The following GPR158 variants were observed in gnomAD, a reference collection of about 807,000 sequenced individuals.
GPR158 encodes G protein-coupled receptor 158.
GPR158 carries 30 observed loss-of-function variants against 78.2 expected under a neutral mutation model. The observed-to-expected ratio is 0.38, with a 90% CI of 0.29 to 0.52. GPR158 has a LOEUF of 0.52. Among genes scored for constraint, GPR158 ranks in the 20% least tolerant of loss-of-function variants. The pLI, the probability that GPR158 is intolerant of heterozygous loss-of-function variation, is 0.83. For missense variants in GPR158, 1,463 were observed against 1,523.5 expected (o/e 0.96, Z 0.66); for synonymous variants, 581 against 591.1 (o/e 0.98, Z 0.25).
intron 1 of GPR158, among the ~76,000 whole-genome samples, chr10:25,186,795 C>T (rs1852693843): frequency 1.3e-5 from 2 of 152,062 alleles, no homozygotes; most frequent in Non-Finnish European, 2.9e-5. Flanking sequence ...ACCAGAGGTA[C>T]AAGGAGGAGC....
intron 9 of GPR158, among the ~76,000 whole-genome samples, chr10:25,594,977 G>A (rs2027141): frequency 0.072 from 10,994 of 152,036 alleles, 981 homozygotes; most frequent in African/African-American, 0.21. Context: ...TTTTTTGTGT[G>A]TGATATAATA....
At chr10:25,338,371 A>G (rs844032) in intron 2 of GPR158, among the ~76,000 whole-genome samples, 75,668 of 142,856 alleles carry the variant, frequency 0.53, 24,307 homozygotes, top group Non-Finnish European at 0.73. Context: ...TCTGATGACT[A>G]TATCTATATA....
At chr10:25,302,781 G>T (rs1197361903) in intron 2 of GPR158, among the ~76,000 whole-genome samples, 1 of 152,168 alleles carries the variant, frequency 6.6e-6, no homozygotes, top group Non-Finnish European at 1.5e-5. Flanking sequence ...TTTCTGTGAT[G>T]AGTGCATATC....
intron 1 of GPR158, among the ~76,000 whole-genome samples, chr10:25,188,058 T>A (rs1435992273): frequency 3.9e-5 from 6 of 152,148 alleles, no homozygotes; most frequent in Non-Finnish European, 4.4e-5. Flanking sequence ...ATAAAATACC[T>A]AGGAATCCAA....
At chr10:25,497,734 G>A (rs559531756) in intron 5 of GPR158, among the ~76,000 whole-genome samples, 8 of 152,218 alleles carry the variant, frequency 5.3e-5, no homozygotes, top group African/African-American at 1.7e-4. Context: ...CTGCCTTCAT[G>A]GAGTTTAAGA....
At chr10:25,253,173 C>T (rs933460434) in intron 2 of GPR158, among the ~76,000 whole-genome samples, 11 of 152,010 alleles carry the variant, frequency 7.2e-5, no homozygotes, top group South Asian at 2.1e-4. Context: ...TGCTTCGGCT[C>T]GCGCACCGTG....
intron 2 of GPR158, among the ~76,000 whole-genome samples, chr10:25,274,375 A>C (rs1355893308): frequency 1.3e-5 from 2 of 152,224 alleles, no homozygotes; most frequent in Non-Finnish European, 2.9e-5. Flanking sequence ...CTTCAAATAG[A>C]AATAATATAA....
chr10:25,322,387 A>AG (rs895051723), intron 2 of GPR158, among the ~76,000 whole-genome samples: 2 of 152,080 alleles, frequency 1.3e-5, no homozygotes, highest in African/African-American at 4.8e-5. Context: ...TCTCAAAAAA[A>AG]AAAAGAAAAA....
chr10:25,410,783 A>G (rs944089943), intron 3 of GPR158, among the ~76,000 whole-genome samples: 3 of 152,306 alleles, frequency 2.0e-5, no homozygotes, highest in African/African-American at 7.2e-5. Flanking sequence ...GCTTTTCATC[A>G]TGTAACAGAA....
intron 5 of GPR158, among the ~76,000 whole-genome samples, chr10:25,490,387 A>C (rs1299453520): frequency 7.1e-6 from 1 of 141,640 alleles, no homozygotes; most frequent in Non-Finnish European, 1.5e-5. Context: ...GGTGCGCTGC[A>C]CCCACTAACT....
rs144086865 is a variant in GPR158, at chr10:25,258,861, T to A, written c.1008+37704T>A. ...CCTACTATTGGCTGGAAGCCTTGTC[T>A]GTAACATAAACAGTCAATTAACATA... On this transcript the variant is annotated intron_variant, in intron 2 of 10. Coordinates refer to ENST00000376351, the MANE Select transcript of GPR158 (RefSeq NM_020752.3). Among the ~76,000 whole-genome samples the A allele has an allele frequency of 1.6e-4, 24 of 152,346 alleles. No individual in the cohort carries two copies. The East Asian group carries it at 4.2e-3, about 27-fold the overall frequency.
At chr10:25,322,595 G>A (rs2130480392) in intron 2 of GPR158, among the ~76,000 whole-genome samples, 1 of 152,172 alleles carries the variant, frequency 6.6e-6, no homozygotes, top group Middle Eastern at 3.4e-3. Context: ...CTTTCCAGAA[G>A]GTTTATAATT....
chr10:25,560,851 C>T (rs568145385), intron 6 of GPR158, among the ~76,000 whole-genome samples: 1 of 152,048 alleles, frequency 6.6e-6, no homozygotes, highest in African/African-American at 2.4e-5. Context: ...GAAACATTTT[C>T]GCTATTAGTC....
chr10:25,366,453 A>C (rs144898061), intron 2 of GPR158, among the ~76,000 whole-genome samples: 53 of 151,780 alleles, frequency 3.5e-4, no homozygotes, highest in Non-Finnish European at 5.5e-4. Context: ...ACAAATAAAA[A>C]TTATATGTAT....
intron 2 of GPR158, among the ~76,000 whole-genome samples, chr10:25,371,444 G>C (rs552892460): frequency 1.3e-5 from 2 of 151,744 alleles, no homozygotes; most frequent in Non-Finnish European, 2.9e-5. Context: ...CATGCTACCT[G>C]ACTTCAAACT....
intron 1 of GPR158, among the ~76,000 whole-genome samples, chr10:25,195,718 T>G (rs1454380173): frequency 3.9e-5 from 6 of 152,176 alleles, no homozygotes; most frequent in Non-Finnish European, 8.8e-5. Flanking sequence ...CTTCCTCTTC[T>G]TTTTCTTTTT....
At position 25,597,800 on chromosome 10, in the gene GPR158, T is replaced by C; in HGVS notation, c.2174T>C (p.Leu725Pro). The C allele has an allele frequency of 6.6e-7, 1 of 1,508,142 alleles. No homozygotes were observed. The highest frequency in any genetic ancestry group is 8.8e-7 in the Non-Finnish European group (1 of 1,129,998). 93.4% of individuals were successfully genotyped at this position (1,508,142 alleles called of 1,614,324 possible). Residue 725 changes from leucine to proline, a missense_variant, in exon 11 of 11, where the codon CTG (leucine) becomes CCG (proline). By Grantham distance (98) the Leu-to-Pro change is moderately conservative. Coordinates refer to ENST00000376351, the MANE Select transcript of GPR158 (RefSeq NM_020752.3). Reference sequence around the variant, plus strand: ...GAGCTGAAAAAACTCTATGCCCAACTGGAAATATATAAAAGAAAGAAGATG... The same window carrying C: ...GAGCTGAAAAAACTCTATGCCCAACCGGAAATATATAAAAGAAAGAAGATG... Reference protein sequence around the residue: ...RDELKKLYAQLEIYKRKKMIT... With the variant: ...RDELKKLYAQPEIYKRKKMIT...
At chr10:25,294,243 T>C (rs945415560) in intron 2 of GPR158, among the ~76,000 whole-genome samples, 3 of 152,188 alleles carry the variant, frequency 2.0e-5, no homozygotes, top group Admixed American at 2.0e-4. Flanking sequence ...AACATCTTTT[T>C]TTTTCTTTCA....
At chr10:25,595,888 G>T (rs1837398309) in intron 9 of GPR158, among the ~76,000 whole-genome samples, 1 of 152,186 alleles carries the variant, frequency 6.6e-6, no homozygotes, top group Admixed American at 6.5e-5. Context: ...TATAGTATGT[G>T]TGTGAATTCT....
Sources: gnomAD v4.1 joint callset for allele counts (sites outside exome capture counted in the v4.1 genomes callset) on GRCh38, gnomAD v4.1.1 for gene constraint, MANE v1.5 for transcripts, NCBI Gene and HGNC (gene_info 2026-07-23, HGNC 2026-07-21) for gene names.